The following ANO4 variants were observed in gnomAD, a reference collection of about 807,000 sequenced individuals.
ANO4 encodes the protein anoctamin-4.
Under a neutral mutation model 141.9 loss-of-function variants are expected in ANO4, and 69 were observed. The observed-to-expected ratio is 0.49, with a 90% CI of 0.40 to 0.59. ANO4 has a LOEUF of 0.59. Ranked by LOEUF, ANO4 falls within the 20% of genes least tolerant of loss-of-function variation. The pLI, the probability that ANO4 is intolerant of heterozygous loss-of-function variation, is 0.00. For missense variants in ANO4, 894 were observed against 1,162.2 expected (o/e 0.77, Z 3.36); for synonymous variants, 350 against 394.3 (o/e 0.89, Z 1.33).
At chr12:100,936,518 T>C (rs1344817314) in intron 3 of ANO4, among the ~76,000 whole-genome samples, 1 of 152,182 alleles carries the variant, frequency 6.6e-6, no homozygotes, top group Non-Finnish European at 1.5e-5. Context: ...GAAAGTAATA[T>C]TGATAGAAGA....
chr12:100,775,387 A>G (rs1462533290), intron 3 of ANO4, among the ~76,000 whole-genome samples: 1 of 152,154 alleles, frequency 6.6e-6, no homozygotes, highest in Non-Finnish European at 1.5e-5. Flanking sequence ...AAACCAATCC[A>G]TGGTTGTGAA....
intron 8 of ANO4, among the ~76,000 whole-genome samples, chr12:100,998,881 A>C (rs540464442): frequency 6.6e-6 from 1 of 152,362 alleles, no homozygotes; most frequent in East Asian, 1.9e-4. Flanking sequence ...ACATTCATAT[A>C]GTGCTTAGTG....
rs2041872156 is a variant in ANO4, at chr12:100,926,414, C to A, written c.160+4084C>A. Among the ~76,000 whole-genome samples, 4 of 152,188 alleles carry A rather than the reference C, an allele frequency of 2.6e-5. No homozygotes were observed. The South Asian group carries it at 8.3e-4, about 32-fold the overall frequency. ...TTATTTTAACCATCCATCCATCTTG[C>A]CTGTCATGTGTCAGGTACTGTGCTA... On this transcript the variant is annotated intron_variant, in intron 3 of 27. Transcript: ENST00000392977.
At chr12:101,100,994 T>A (rs2050164858) in intron 22 of ANO4, among the ~76,000 whole-genome samples, 2 of 152,336 alleles carry the variant, frequency 1.3e-5, no homozygotes, top group African/African-American at 4.8e-5. Flanking sequence ...AAAGTTTTAT[T>A]GGAACACAGC....
At chr12:101,052,704 A>G (rs532682304) in intron 14 of ANO4, among the ~76,000 whole-genome samples, 2 of 152,314 alleles carry the variant, frequency 1.3e-5, no homozygotes, top group African/African-American at 4.8e-5. Flanking sequence ...TATTTATGCT[A>G]ACTTTATATT....
At chr12:101,023,790 G>A (rs2046628155) in intron 9 of ANO4, among the ~76,000 whole-genome samples, 1 of 152,120 alleles carries the variant, frequency 6.6e-6, no homozygotes, top group African/African-American at 2.4e-5. Context: ...TGAAAAACAT[G>A]GAGCAAAACT....
intron 1 of ANO4, among the ~76,000 whole-genome samples, chr12:100,801,975 A>G (rs1487112458): frequency 1.3e-5 from 2 of 152,222 alleles, no homozygotes; most frequent in Admixed American, 6.5e-5. Context: ...GTTGCGCAGT[A>G]CATAACTGCA....
chr12:100,783,433 A>G (rs2033769125), intron 3 of ANO4, among the ~76,000 whole-genome samples: 1 of 152,042 alleles, frequency 6.6e-6, no homozygotes, highest in South Asian at 2.1e-4. Flanking sequence ...CATTCGTAAG[A>G]CCTTCCCAAA....
chr12:100,916,240 C>G (rs967445944), intron 2 of ANO4, among the ~76,000 whole-genome samples: 7 of 152,014 alleles, frequency 4.6e-5, no homozygotes, highest in Admixed American at 3.9e-4. Flanking sequence ...CCCTTTGGTA[C>G]TTTGATATTT....
In ANO4 at chr12:101,017,330, C is replaced by T. The variant is rs115122319; in HGVS notation, c.735-2704C>T. On this transcript the variant is annotated intron_variant, in intron 8 of 27. Coordinates refer to ENST00000392977, the MANE Select transcript of ANO4 (RefSeq NM_001286615.2). Reference sequence around the variant, plus strand: ...ACAAGAACAGCACTGGAAAAACTCACCCCCATGATTCGATTACCTCCCACC... The same window carrying T: ...ACAAGAACAGCACTGGAAAAACTCATCCCCATGATTCGATTACCTCCCACC... Among the ~76,000 whole-genome samples, 1,488 of 152,224 alleles carry T rather than the reference C, an allele frequency of 9.8e-3. 23 individuals are homozygous for T. The highest frequency in any genetic ancestry group is 0.034 in the African/African-American group (1,405 of 41,520).
At chr12:100,752,243 A>G (rs1212879200) in intron 3 of ANO4, among the ~76,000 whole-genome samples, 2 of 152,154 alleles carry the variant, frequency 1.3e-5, no homozygotes, top group African/African-American at 4.8e-5. Flanking sequence ...GTAAAATGCT[A>G]TGTAGTTACC....
At chr12:100,766,114 T>C (rs1454471180) in intron 3 of ANO4, among the ~76,000 whole-genome samples, 2 of 152,178 alleles carry the variant, frequency 1.3e-5, no homozygotes, top group African/African-American at 4.8e-5. Flanking sequence ...AGTAAGATCA[T>C]GCAGTATTTG....
chr12:101,104,627 GTATA>G (rs1167784816), intron 22 of ANO4, among the ~76,000 whole-genome samples: 3,465 of 61,360 alleles, frequency 0.056, 61 homozygotes, highest in Middle Eastern at 0.094. Flanking sequence ...ATGTATGTGT[GTATA>G]TATATATATA....
At chr12:100,902,954 T>G (rs1173748175) in intron 2 of ANO4, among the ~76,000 whole-genome samples, 1 of 152,186 alleles carries the variant, frequency 6.6e-6, no homozygotes, top group African/African-American at 2.4e-5. Context: ...CACTGCTAGC[T>G]GTTTACCTTC....
intron 1 of ANO4, among the ~76,000 whole-genome samples, chr12:100,853,314 T>C (rs1377710186): frequency 6.6e-6 from 1 of 152,148 alleles, no homozygotes; most frequent in African/African-American, 2.4e-5. Flanking sequence ...TTTACCATTC[T>C]TTTATTGTTA....
intron 3 of ANO4, among the ~76,000 whole-genome samples, chr12:100,764,812 G>A (rs2033010915): frequency 1.3e-5 from 2 of 152,150 alleles, no homozygotes; most frequent in South Asian, 4.2e-4. Flanking sequence ...CTCCTTAGAG[G>A]CTGACTTGAT....
intron 5 of ANO4, among the ~76,000 whole-genome samples, chr12:100,959,850 T>A (rs898321902): frequency 3.9e-5 from 6 of 152,196 alleles, no homozygotes; most frequent in Admixed American, 1.3e-4. Context: ...CATCTTCCTG[T>A]GACTTTTGTC....
At chr12:101,055,507 C>T (rs2048079995) in intron 14 of ANO4, among the ~76,000 whole-genome samples, 1 of 152,102 alleles carries the variant, frequency 6.6e-6, no homozygotes, top group Non-Finnish European at 1.5e-5. Context: ...GATCATTTGT[C>T]CATTTGTTAT....
chr12:101,073,073 C>T (rs1217196707), intron 14 of ANO4, among the ~76,000 whole-genome samples: 2 of 152,192 alleles, frequency 1.3e-5, no homozygotes, highest in African/African-American at 4.8e-5. Context: ...ACCCAGCAAT[C>T]CCATTACTGG....
Sources: gnomAD v4.1 joint callset for allele counts (sites outside exome capture counted in the v4.1 genomes callset) on GRCh38, gnomAD v4.1.1 for gene constraint, MANE v1.5 for transcripts, NCBI Gene and HGNC (gene_info 2026-07-23, HGNC 2026-07-21) for gene names.